The following KIAA0232 variants were observed in gnomAD, a reference collection of about 807,000 sequenced individuals.
The protein encoded by KIAA0232 is KIAA0232, also known as uncharacterized protein KIAA0232.
A neutral mutation model predicts 122.0 loss-of-function variants in KIAA0232; 27 were observed. That is an observed-to-expected ratio of 0.22 (90% CI 0.16 to 0.31). The LOEUF (loss-of-function observed/expected upper bound fraction) is 0.31, where lower values mean the gene tolerates loss of function less well. Ranked by LOEUF, KIAA0232 falls within the 10% of genes least tolerant of loss-of-function variation. The pLI is 1.00. For synonymous variants in KIAA0232, 613 were observed against 587.6 expected, an observed-to-expected ratio of 1.04 and a Z score of -0.63; for missense variants, 1,551 against 1,634.2, an observed-to-expected ratio of 0.95 and a Z score of 0.88.
chr4:6,787,809 A>G (rs1055170941), intron 1 of KIAA0232, among the ~76,000 whole-genome samples: 1 of 152,178 alleles, frequency 6.6e-6, no homozygotes, highest in African/African-American at 2.4e-5. Context: ...TTTCCCAAGT[A>G]TACACCAGAG....
chr4:6,791,270 G>A (rs903635871), intron 1 of KIAA0232, among the ~76,000 whole-genome samples: 5 of 123,928 alleles, frequency 4.0e-5, no homozygotes, highest in Non-Finnish European at 8.4e-5. Context: ...TATGTGTTTT[G>A]TATGATTTGC....
chr4:6,863,967 G>T lies in KIAA0232; in HGVS notation c.3585G>T (p.Gln1195His), dbSNP rs778330055. The stretch of plus-strand genomic sequence containing the variant: ...GTGCTCAGACATCACTGGATTCCCA[G>T]GAGGAATCAACTGGGATTCTTTCAG... ...EKSAQTSLDS[Q>H]EESTGILSVG... The change falls in exon 7 of 10, where the codon CAG becomes CAT. Residue 1195 changes from glutamine (Q) to histidine (H), a missense_variant. Physicochemically the swap from Gln to His is conservative, Grantham distance 24. Coordinates refer to ENST00000307659, the MANE Select transcript of KIAA0232 (RefSeq NM_014743.3). The T allele has an allele frequency of 1.2e-6, 2 of 1,614,028 alleles. No individual in the cohort carries two copies. Among genetic ancestry groups the T allele is most frequent in the East Asian group, 4.5e-5 (2 of 44,882 alleles).
chr4:6,838,040 A>G (rs1049267524), intron 3 of KIAA0232, among the ~76,000 whole-genome samples: 11 of 152,150 alleles, frequency 7.2e-5, no homozygotes, highest in African/African-American at 2.7e-4. Context: ...GATTGCAAAA[A>G]TTTACTCCCA....
intron 3 of KIAA0232, among the ~76,000 whole-genome samples, chr4:6,825,455 T>C (rs755320248): frequency 1.1e-4 from 17 of 151,984 alleles, no homozygotes; most frequent in Admixed American, 5.2e-4. Flanking sequence ...CTCAGGAGGC[T>C]GAGGTGGGAG....
intron 8 of KIAA0232, among the ~76,000 whole-genome samples, chr4:6,873,375 A>C (rs1260973196): frequency 1.3e-5 from 2 of 152,232 alleles, no homozygotes; most frequent in African/African-American, 4.8e-5. Context: ...GCTTCCCTTC[A>C]TGTGTGTCCA....
At chr4:6,803,259 CCCTT>C (rs1358344001) in intron 1 of KIAA0232, among the ~76,000 whole-genome samples, 1 of 151,454 alleles carries the variant, frequency 6.6e-6, no homozygotes. Flanking sequence ...AAGCCCAGCT[CCCTT>C]AAGTTCAAAT....
chr4:6,868,927 A>G (rs1051950513), intron 7 of KIAA0232, among the ~76,000 whole-genome samples: 9 of 152,218 alleles, frequency 5.9e-5, no homozygotes, highest in South Asian at 2.1e-4. Context: ...TGCCCTTCAC[A>G]GTGGTTTCAG....
intron 1 of KIAA0232, 25 bp from the exon 2 acceptor site, chr4:6,804,498 A>G (rs1717525338): frequency 6.6e-6 from 1 of 152,222 alleles, no homozygotes; most frequent in African/African-American, 2.4e-5. Flanking sequence ...TTTGATACTA[A>G]AATGCCTGCT....
chr4:6,794,319 T>C lies in KIAA0232; in HGVS notation c.-353-10204T>C, dbSNP rs564389841. Among the ~76,000 whole-genome samples, 8 of 152,338 alleles carry C rather than the reference T, an allele frequency of 5.3e-5. No homozygotes were observed. The East Asian group carries it at 1.5e-3, about 29-fold the overall frequency. On this transcript the variant is annotated intron_variant, in intron 1 of 9. Coordinates refer to ENST00000307659, the MANE Select transcript of KIAA0232 (RefSeq NM_014743.3). ...ATTAAACCATTAGTTGGGGGCAGCC[T>C]GATGGAAGCATGGCTTGGTGTCAGT...
chr4:6,810,106 G>C (rs183597868), intron 2 of KIAA0232, among the ~76,000 whole-genome samples: 2 of 152,076 alleles, frequency 1.3e-5, no homozygotes, highest in African/African-American at 2.4e-5. Context: ...TCAAAAAAGA[G>C]CCCTAATAGC....
intron 8 of KIAA0232, among the ~76,000 whole-genome samples, chr4:6,875,805 T>C (rs1243389632): frequency 2.6e-5 from 4 of 152,202 alleles, no homozygotes; most frequent in African/African-American, 9.7e-5. Flanking sequence ...TACTCTGCAC[T>C]GTGCCTCTGC....
chr4:6,832,857 G>T (rs1719067092), intron 3 of KIAA0232, among the ~76,000 whole-genome samples: 1 of 152,228 alleles, frequency 6.6e-6, no homozygotes, highest in Non-Finnish European at 1.5e-5. Flanking sequence ...CTGCAGAGAA[G>T]TTACTGTTGC....
intron 1 of KIAA0232, among the ~76,000 whole-genome samples, chr4:6,789,065 G>A (rs1168586467): frequency 6.6e-6 from 1 of 151,970 alleles, no homozygotes; most frequent in Non-Finnish European, 1.5e-5. Context: ...CCACCTCCTG[G>A]GTTCACGCCA....
intron 1 of KIAA0232, among the ~76,000 whole-genome samples, chr4:6,790,878 G>A (rs1716860432): frequency 6.8e-6 from 1 of 146,726 alleles, no homozygotes; most frequent in Non-Finnish European, 1.5e-5. Flanking sequence ...TTAATCTTTT[G>A]CCAGTACCAT....
chr4:6,838,245 G>T (rs1442464772), intron 3 of KIAA0232, among the ~76,000 whole-genome samples: 1 of 148,680 alleles, frequency 6.7e-6, no homozygotes, highest in African/African-American at 2.5e-5. Context: ...CTGGAGCACA[G>T]TGGCGTGATC....
rs1243840773 is a variant in KIAA0232, at chr4:6,862,738, T to A, written c.2356T>A (p.Ser786Thr). 6.2e-7 allele frequency: 1 copy of A among 1,611,838 alleles called. No homozygotes were observed. ...TCCTACATTAGTTTTCAAAAAAACA[T>A]CTAAACTAGAATCCGTCTGTGGTAT... ...EIPTLVFKKT[S>T]KLESVCGIQL... The change falls in exon 7 of 10, where the codon TCT becomes ACT. Residue 786 changes from serine (S) to threonine (T), a missense_variant. By Grantham distance (58) the Ser-to-Thr change is moderately conservative (BLOSUM62 1). This residue lies in a region of KIAA0232 where 1,108 missense variants were observed against 1,154.8 expected (regional missense o/e 0.96). Coordinates refer to ENST00000307659, the MANE Select transcript of KIAA0232 (RefSeq NM_014743.3).
At position 6,863,746 on chromosome 4, in the gene KIAA0232, A is replaced by G. The variant is rs760649475; in HGVS notation, c.3364A>G (p.Ser1122Gly). The G allele has an allele frequency of 2.5e-6, 4 of 1,614,230 alleles. No individual in the cohort carries two copies. The highest frequency in any genetic ancestry group is 2.5e-6 in the Non-Finnish European group (3 of 1,180,036). The change falls in exon 7 of 10, where the codon AGC (serine) becomes GGC (glycine). Residue 1122 changes from serine (S) to glycine (G), a missense_variant. Around this residue, in one of 5 missense-constraint regions of KIAA0232, gnomAD observed 1,108 missense variants for 1,154.8 expected, o/e 0.96. Coordinates refer to ENST00000307659, the MANE Select transcript of KIAA0232 (RefSeq NM_014743.3). ...SASELSPGGG[S>G]ESEFESEKDE... Reference sequence around the variant, plus strand: ...ATCCGAACTGTCCCCAGGAGGAGGAAGCGAGTCAGAATTTGAATCTGAGAA... The same window carrying G: ...ATCCGAACTGTCCCCAGGAGGAGGAGGCGAGTCAGAATTTGAATCTGAGAA...
chr4:6,828,723 G>A (rs1306050873), intron 3 of KIAA0232, among the ~76,000 whole-genome samples: 1 of 152,128 alleles, frequency 6.6e-6, no homozygotes, highest in Non-Finnish European at 1.5e-5. Flanking sequence ...TACTCGAAGT[G>A]ACTCGTTGTT....
At chr4:6,854,552 C>T (rs1187927074) in intron 4 of KIAA0232, among the ~76,000 whole-genome samples, 3 of 152,208 alleles carry the variant, frequency 2.0e-5, no homozygotes, top group Non-Finnish European at 2.9e-5. Context: ...GAGGGTTGCT[C>T]ACTGAGCGTG....
Sources: gnomAD v4.1 joint callset for allele counts (sites outside exome capture counted in the v4.1 genomes callset) on GRCh38, gnomAD v4.1.1 for gene constraint, gnomAD v4.1.1 regional missense constraint, MANE v1.5 for transcripts, NCBI Gene and HGNC (gene_info 2026-07-23, HGNC 2026-07-21) for gene names.